DOCK1: variants seen among roughly 807,000 people sequenced by gnomAD.
DOCK1 encodes the protein dedicator of cytokinesis protein 1.
DOCK1 carries 138 observed loss-of-function variants against 262.7 expected under a neutral mutation model. That is an observed-to-expected ratio of 0.53 (90% CI 0.46 to 0.61). The LOEUF (loss-of-function observed/expected upper bound fraction) is 0.61. Among genes scored for constraint, DOCK1 ranks in the 20% least tolerant of loss-of-function variants. The pLI, the probability that DOCK1 is intolerant of heterozygous loss-of-function variation, is 0.00. For missense variants in DOCK1, 1,908 were observed against 2,370.7 expected (o/e 0.80, Z 4.05); for synonymous variants, 866 against 867.4 (o/e 1.00, Z 0.03).
intron 10 of DOCK1, among the ~76,000 whole-genome samples, chr10:127,003,536 A>C (rs1280703022): frequency 6.6e-6 from 1 of 152,160 alleles, no homozygotes; most frequent in Non-Finnish European, 1.5e-5. Context: ...GCTCCACTAC[A>C]TGCCCTGGGT....
chr10:127,431,088 T>C (rs1042371900), intron 47 of DOCK1, among the ~76,000 whole-genome samples: 2 of 152,150 alleles, frequency 1.3e-5, no homozygotes, highest in African/African-American at 4.8e-5. Context: ...AAGCTGGGGC[T>C]CCGAGTGGCT....
intron 38 of DOCK1, 24 bp downstream of exon 38, chr10:127,384,933 C>A: frequency 6.4e-7 from 1 of 1,560,668 alleles, no homozygotes; most frequent in South Asian, 1.2e-5. Context: ...AGCAATTGTC[C>A]TTGTTTTCCT....
At chr10:127,278,524 G>C (rs569501635) in intron 29 of DOCK1, among the ~76,000 whole-genome samples, 2 of 152,096 alleles carry the variant, frequency 1.3e-5, no homozygotes, top group African/African-American at 4.8e-5. Flanking sequence ...GCAAGGGTGA[G>C]GGAGTTGCAG....
chr10:127,395,230 A>C (rs1326844920), intron 38 of DOCK1, among the ~76,000 whole-genome samples: 1 of 152,130 alleles, frequency 6.6e-6, no homozygotes, highest in Non-Finnish European at 1.5e-5. Flanking sequence ...ATTTCTCACC[A>C]TTCTGGACCT....
At chr10:127,347,260 C>T in intron 31 of DOCK1, among the ~76,000 whole-genome samples, 1 of 152,224 alleles carries the variant, frequency 6.6e-6, no homozygotes, top group East Asian at 1.9e-4. Context: ...GGGCCATGGT[C>T]CCGGTGCCGG....
intron 27 of DOCK1, among the ~76,000 whole-genome samples, chr10:127,188,034 T>C (rs1003458741): frequency 7.2e-5 from 11 of 152,326 alleles, no homozygotes; most frequent in South Asian, 2.1e-4. Context: ...CCCAGAAATA[T>C]TGACTGAACG....
chr10:127,438,182 T>TA (rs2134704905), intron 48 of DOCK1, among the ~76,000 whole-genome samples: 1 of 152,342 alleles, frequency 6.6e-6, no homozygotes, highest in East Asian at 1.9e-4. Context: ...CACCTCCTGA[T>TA]AGGACTTCTA....
chr10:127,237,129 C>T (rs530217371), intron 27 of DOCK1, among the ~76,000 whole-genome samples: 11 of 152,166 alleles, frequency 7.2e-5, no homozygotes, highest in South Asian at 4.1e-4. Flanking sequence ...GAGGCCGAGG[C>T]GGGCAGATCA....
chr10:127,069,927 A>T (rs2046114568), intron 23 of DOCK1, among the ~76,000 whole-genome samples: 1 of 152,118 alleles, frequency 6.6e-6, no homozygotes, highest in African/African-American at 2.4e-5. Context: ...AGAGCCTTGG[A>T]GATTAGAAAC....
At position 127,287,388 on chromosome 10, in the gene DOCK1, C is replaced by T. The variant is rs1342068567; in HGVS notation, c.3044+29959C>T. ...GTTTTTTTGTATAGCTGCAATCTCA[C>T]CATGTTGGCCAGGCTGCTCTTGAAC... On this transcript the variant is annotated intron_variant, in intron 29 of 51. Transcript: ENST00000623213. Among the ~76,000 whole-genome samples the T allele has an allele frequency of 2.0e-5, 3 of 151,982 alleles. No homozygotes were observed. The South Asian group carries it at 6.2e-4, about 32-fold the overall frequency.
At chr10:127,027,677 A>G (rs948279878) in intron 16 of DOCK1, among the ~76,000 whole-genome samples, 2 of 152,192 alleles carry the variant, frequency 1.3e-5, no homozygotes, top group African/African-American at 2.4e-5. Flanking sequence ...ACCTTCTGGC[A>G]CGCTGCCTGG....
intron 29 of DOCK1, among the ~76,000 whole-genome samples, chr10:127,295,722 C>A (rs1320565291): frequency 6.6e-6 from 1 of 151,826 alleles, no homozygotes; most frequent in Non-Finnish European, 1.5e-5. Flanking sequence ...GGGTTTGGGG[C>A]CAAGGTTGCT....
At position 127,410,882 on chromosome 10, in the gene DOCK1, G is replaced by A. The variant is rs933488079; in HGVS notation, c.4386G>A (p.Arg1462=). The A allele has an allele frequency of 9.3e-6, 15 of 1,613,646 alleles. No homozygotes were observed. The highest frequency in any genetic ancestry group is 1.3e-5 in the Non-Finnish European group (15 of 1,179,850). ...VNEVQRFEYS[R]PIRKGEKNPD... ...AGGTCCAGCGATTTGAATATTCTCG[G>A]CCAATCCGGAAGGGAGAGAAAAACC... Residue 1462 remains arginine (R), a synonymous_variant, in exon 43 of 52, where the codon CGG becomes CGA. Transcript: ENST00000623213.
At chr10:127,349,449 C>T (rs2063784131) in intron 31 of DOCK1, among the ~76,000 whole-genome samples, 1 of 152,168 alleles carries the variant, frequency 6.6e-6, no homozygotes, top group African/African-American at 2.4e-5. Context: ...TACCCCTGCA[C>T]CCCAGCATCA....
chr10:127,272,679 G>A (rs1188396268), intron 29 of DOCK1, among the ~76,000 whole-genome samples: 2 of 152,168 alleles, frequency 1.3e-5, no homozygotes, highest in Non-Finnish European at 2.9e-5. Flanking sequence ...CCCTGCATTA[G>A]TCCGTGTTCA....
In DOCK1 at chr10:127,152,680, G is replaced by A. The variant is rs188674521; in HGVS notation, c.2847+24916G>A. ...CCTGGCCTCTACCTGCTGCATAACC[G>A]GCAGCAGCTCCTCAGTTGTGGCAAC... On this transcript the variant is annotated intron_variant, in intron 27 of 51. Coordinates refer to ENST00000623213, the MANE Select transcript of DOCK1 (RefSeq NM_001290223.2). Among the ~76,000 whole-genome samples, 499 of 152,332 alleles carry A rather than the reference G, an allele frequency of 3.3e-3. 3 individuals carry two copies. The highest frequency in any genetic ancestry group is 0.011 in the African/African-American group (472 of 41,568).
rs565552628 is a variant in DOCK1 at position 127,351,509 on chromosome 10, G to A, written c.3225-3160G>A. ...TCCTGGGGGTGCGTGCTGTGGGTGT[G>A]GGAGTCTGAGGACTTGGATTCTCTA... On this transcript the variant is annotated intron_variant, in intron 31 of 51. Coordinates refer to ENST00000623213, the MANE Select transcript of DOCK1 (RefSeq NM_001290223.2). 2.0e-4 allele frequency among the ~76,000 whole-genome samples: 30 copies of A among 152,312 alleles called. No individual in the cohort carries two copies. In the South Asian group the frequency reaches 5.8e-3, roughly 30 times the overall value.
In DOCK1 at chr10:127,042,709, G is replaced by C. The variant is rs1287441421; in HGVS notation, c.2095G>C (p.Ala699Pro). ...SETFDTLVFDALVFIIGLIAD... is the reference protein window; with the variant it reads ...SETFDTLVFDPLVFIIGLIAD... ...GACTTTTGACACGTTAGTCTTTGAT[G>C]CTCTGGTAAGAGAGCTTTCCTTCTC... Residue 699 changes from alanine to proline, a missense_variant, in exon 20 of 52, where the codon GCT becomes CCT. By Grantham distance (27) the Ala-to-Pro change is conservative. Coordinates refer to ENST00000623213, the MANE Select transcript of DOCK1 (RefSeq NM_001290223.2). The C allele has an allele frequency of 1.2e-6, 2 of 1,614,014 alleles. No homozygotes were observed. The highest frequency in any genetic ancestry group is 2.2e-5 in the South Asian group (2 of 91,070).
intron 6 of DOCK1, among the ~76,000 whole-genome samples, chr10:126,992,271 C>T (rs1047902664): frequency 1.3e-5 from 2 of 152,038 alleles, no homozygotes; most frequent in African/African-American, 4.8e-5. Context: ...GTTCAGAGAC[C>T]ACCTGCTTAA....
Sources: gnomAD v4.1 joint callset for allele counts (sites outside exome capture counted in the v4.1 genomes callset) on GRCh38, gnomAD v4.1.1 for gene constraint, MANE v1.5 for transcripts, NCBI Gene and HGNC (gene_info 2026-07-23, HGNC 2026-07-21) for gene names.